NFIB: variants seen among roughly 807,000 people sequenced by gnomAD.
NFIB encodes nuclear factor I B.
In NFIB, 11 loss-of-function variants were observed where a neutral mutation model predicts 61.5. The ratio of observed to expected loss-of-function variants is 0.18; its 90% CI spans 0.11 to 0.30. The LOEUF is 0.30. Ranked by LOEUF, NFIB falls within the 10% of genes least tolerant of loss-of-function variation. The pLI is 1.00. For synonymous variants in NFIB, 260 were observed against 216.5 expected (o/e 1.20, Z -1.76); for missense variants, 471 against 608.9 (o/e 0.77, Z 2.38).
the NFIB span, among the ~76,000 whole-genome samples, chr9:14,494,455 CTT>C: frequency 6.6e-6 from 1 of 152,186 alleles, no homozygotes; most frequent in Admixed American, 6.5e-5. Context: ...ATTAAAGGGT[CTT>C]TTAAATGCTG....
At chr9:14,097,875 CTTTT>C (rs71321962) in intron 10 of NFIB, among the ~76,000 whole-genome samples, 11 of 110,864 alleles carry the variant, frequency 9.9e-5, no homozygotes, top group East Asian at 8.2e-4. Flanking sequence ...TTTCTTTTTT[CTTTT>C]TTTTTTTTTT....
intron 6 of NFIB, among the ~76,000 whole-genome samples, chr9:14,134,722 C>A (rs1161994834): frequency 6.6e-6 from 1 of 151,770 alleles, no homozygotes; most frequent in Non-Finnish European, 1.5e-5. Flanking sequence ...CATGGCGAAT[C>A]CCCATCTCTA....
chr9:14,440,215 C>T, the NFIB span, among the ~76,000 whole-genome samples: 1 of 152,178 alleles, frequency 6.6e-6, no homozygotes, highest in African/African-American at 2.4e-5. Context: ...AAGGGGCCAG[C>T]TGTGTCTTCC....
intron 1 of NFIB, among the ~76,000 whole-genome samples, chr9:14,328,405 C>T (rs969099283): frequency 6.6e-6 from 1 of 152,162 alleles, no homozygotes; most frequent in Non-Finnish European, 1.5e-5. Flanking sequence ...CTCAGCCTCC[C>T]AAAGTGCTAG....
the NFIB span, among the ~76,000 whole-genome samples, chr9:14,519,600 T>C: frequency 6.6e-6 from 1 of 152,208 alleles, no homozygotes. Flanking sequence ...TACTTTATAC[T>C]GTCAGGCATT....
chr9:14,113,904 A>C (rs573057), intron 9 of NFIB, among the ~76,000 whole-genome samples: 42,515 of 150,300 alleles, frequency 0.28, 6,789 homozygotes, highest in African/African-American at 0.45. Context: ...CACACACACA[A>C]AAAAAAAATG....
chr9:14,244,467 A>T (rs376288886), intron 2 of NFIB, among the ~76,000 whole-genome samples: 1 of 152,188 alleles, frequency 6.6e-6, no homozygotes, highest in Non-Finnish European at 1.5e-5. Context: ...CATCCATGTA[A>T]GCAGGAAAGA....
the NFIB span, among the ~76,000 whole-genome samples, chr9:14,516,513 T>C: frequency 6.6e-6 from 1 of 152,208 alleles, no homozygotes; most frequent in African/African-American, 2.4e-5. Flanking sequence ...AATCACCCTA[T>C]CTTTTACACA....
the NFIB span, among the ~76,000 whole-genome samples, chr9:14,414,051 G>A: frequency 6.6e-6 from 1 of 152,144 alleles, no homozygotes; most frequent in Non-Finnish European, 1.5e-5. Context: ...AATTATTAGT[G>A]AAAATAGCTG....
At chr9:14,375,538 A>G (rs1291019630) in intron 1 of NFIB, among the ~76,000 whole-genome samples, 2 of 152,086 alleles carry the variant, frequency 1.3e-5, no homozygotes, top group South Asian at 4.2e-4. Context: ...GGCACCTGCA[A>G]TCCCAGCGAC....
At chr9:14,331,327 G>T (rs1309830704) in intron 1 of NFIB, among the ~76,000 whole-genome samples, 2 of 152,134 alleles carry the variant, frequency 1.3e-5, no homozygotes, top group African/African-American at 4.8e-5. Flanking sequence ...ATGCAGCAAG[G>T]ACATGAAACT....
the NFIB span, among the ~76,000 whole-genome samples, chr9:14,475,757 T>G: frequency 6.6e-6 from 1 of 152,144 alleles, no homozygotes; most frequent in Non-Finnish European, 1.5e-5. Context: ...TCCAAAGACC[T>G]CTTCTCATTC....
chr9:14,458,381 C>A, the NFIB span, among the ~76,000 whole-genome samples: 1 of 152,114 alleles, frequency 6.6e-6, no homozygotes, highest in African/African-American at 2.4e-5. Context: ...ATAATAGGAG[C>A]TATTTATGAC....
chr9:14,362,649 C>T (rs2061253684), intron 1 of NFIB: 1 of 152,024 alleles, frequency 6.6e-6, no homozygotes, highest in South Asian at 2.1e-4. Flanking sequence ...TAATCCCACA[C>T]TTCAGGAGGC....
intron 2 of NFIB, among the ~76,000 whole-genome samples, chr9:14,189,132 C>T (rs971156827): frequency 2.9e-4 from 44 of 152,158 alleles, no homozygotes; most frequent in East Asian, 5.8e-4. Context: ...GGAGTCTTCA[C>T]GCATTATTCT....
the NFIB span, among the ~76,000 whole-genome samples, chr9:14,441,533 G>C: frequency 6.6e-6 from 1 of 151,972 alleles, no homozygotes; most frequent in Non-Finnish European, 1.5e-5. Context: ...TTTATGTTCT[G>C]ACCTTTTAAC....
chr9:14,454,240 G>C, the NFIB span, among the ~76,000 whole-genome samples: 3 of 152,194 alleles, frequency 2.0e-5, no homozygotes, highest in Non-Finnish European at 2.9e-5. Context: ...TAATTGAAAA[G>C]TTAGACCTGA....
the NFIB span, among the ~76,000 whole-genome samples, chr9:14,530,490 C>CA: frequency 4.6e-5 from 7 of 151,716 alleles, no homozygotes; most frequent in Non-Finnish European, 1.0e-4. Context: ...AAAACAGCAA[C>CA]AAGTAGCAGC....
chr9:14,481,197 G>GTATGTATATATATATATA, the NFIB span, among the ~76,000 whole-genome samples: 3 of 45,826 alleles, frequency 6.5e-5, no homozygotes, highest in African/African-American at 1.9e-4. Context: ...GTGTGTGTGT[G>GTATGTATATATATATATA]TATATATATA....
Sources: allele counts gnomAD v4.1 joint callset (sites outside exome capture counted in the v4.1 genomes callset), GRCh38; gene constraint gnomAD v4.1.1; transcripts MANE v1.5; gene names NCBI Gene and HGNC (gene_info 2026-07-23, HGNC 2026-07-21).